The following PAX5 variants were observed in gnomAD, a reference collection of about 807,000 sequenced individuals.
PAX5 encodes the protein paired box 5, also known as paired box protein Pax-5.
Under a neutral mutation model 43.7 loss-of-function variants are expected in PAX5, and 9 were observed. That is an observed-to-expected ratio of 0.21 (90% CI 0.12 to 0.36). The LOEUF (loss-of-function observed/expected upper bound fraction) is 0.36, where lower values mean the gene tolerates loss of function less well. Among genes scored for constraint, PAX5 ranks in the 10% least tolerant of loss-of-function variants. The pLI is 1.00. For synonymous variants in PAX5, 228 were observed against 214.3 expected, an observed-to-expected ratio of 1.06 and a Z score of -0.56; for missense variants, 383 against 532.7, an observed-to-expected ratio of 0.72 and a Z score of 2.77.
intron 7 of PAX5, among the ~76,000 whole-genome samples, chr9:36,898,769 G>A (rs1006269072): frequency 1.3e-5 from 2 of 152,118 alleles, no homozygotes; most frequent in African/African-American, 4.8e-5. Flanking sequence ...GCATAATGAG[G>A]GCACCCAGCA....
chr9:37,032,287 C>A (rs187098068), intron 1 of PAX5, among the ~76,000 whole-genome samples: 1 of 152,208 alleles, frequency 6.6e-6, no homozygotes, highest in Non-Finnish European at 1.5e-5. Flanking sequence ...TTCTACACAG[C>A]TTGTCGGGAG....
At chr9:37,026,581 C>A in intron 1 of PAX5, 2 of 1,345,448 alleles carry the variant, frequency 1.5e-6, no homozygotes, top group Non-Finnish European at 2.0e-6. Flanking sequence ...TCCATCGGGG[C>A]GCTCCAGACT....
rs1249828868 is a variant in PAX5, at chr9:36,834,028, G to T, written c.*6532C>A. 6 of 232,928 alleles carry T rather than the reference G, an allele frequency of 2.6e-5. No homozygotes were observed. The highest frequency in any genetic ancestry group is 1.1e-4 in the African/African-American group (5 of 45,276). 14.4% of individuals were successfully genotyped at this position (232,928 alleles called of 1,614,324 possible). On this transcript the variant is annotated 3_prime_UTR_variant, in exon 10 of 10. Transcript: ENST00000358127. ...AAATGCATGTGTCTTCCTGGCAAAGGTTTCCATTTGCAATGTAATCTGCAT... is the reference window on the plus strand; with the variant it reads ...AAATGCATGTGTCTTCCTGGCAAAGTTTTCCATTTGCAATGTAATCTGCAT...
At chr9:37,026,032 C>G (rs1342314883) in intron 1 of PAX5, among the ~76,000 whole-genome samples, 3 of 152,196 alleles carry the variant, frequency 2.0e-5, no homozygotes, top group Non-Finnish European at 4.4e-5. Context: ...GCCCTAGCCC[C>G]GGTGTCCTCG....
chr9:36,993,852 C>A (rs1446282369), intron 5 of PAX5, among the ~76,000 whole-genome samples: 27 of 152,114 alleles, frequency 1.8e-4, no homozygotes, highest in Non-Finnish European at 7.4e-5. Context: ...AACTGAGATC[C>A]CCACATGGCA....
At chr9:36,879,775 G>A (rs1335849088) in intron 8 of PAX5, among the ~76,000 whole-genome samples, 3 of 152,186 alleles carry the variant, frequency 2.0e-5, no homozygotes, top group Admixed American at 1.3e-4. Flanking sequence ...ACATAAATGC[G>A]ACGGGCCATC....
In PAX5 at chr9:37,033,971, G is replaced by A. The variant is rs1387555581; in HGVS notation, c.46+15C>T. 1 of 1,610,740 alleles carries A rather than the reference G, an allele frequency of 6.2e-7. No homozygotes were observed. The highest frequency in any genetic ancestry group is 8.5e-7 in the Non-Finnish European group (1 of 1,178,854). On this transcript the variant is annotated intron_variant, in intron 1 of 9. Transcript: ENST00000358127. ...CCCGGAGTTTGCACATCTGGAGCCC[G>A]TATCGCGGTCCTACCTGTCCTGCTG... is the stretch of plus-strand genomic sequence containing the variant.
At chr9:37,022,748 C>T (rs113779554) in intron 1 of PAX5, among the ~76,000 whole-genome samples, 61 of 152,364 alleles carry the variant, frequency 4.0e-4, no homozygotes, top group African/African-American at 1.4e-3. Flanking sequence ...AGCCAGGTCT[C>T]TCAAGGTGAG....
rs571144392 is a variant in PAX5 at position 36,881,912 on chromosome 9, G to A, written c.1012+92C>T. 33 of 927,410 alleles carry A rather than the reference G, an allele frequency of 3.6e-5. No individual in the cohort carries two copies. The East Asian group carries it at 3.7e-4, about 10-fold the overall frequency. The allele number at this position is 927,410 out of a possible 1,614,324, so 57.4% of individuals were successfully genotyped here. A position where few individuals can be genotyped will look rare whatever the true frequency, so the allele number is the denominator to read the frequency against. ...TTATTCAGGTCCGCTTCTCAGAAGCGTAGAGGTCACCCAGGCTGTTTGGGG... is the reference window on the plus strand; with the variant it reads ...TTATTCAGGTCCGCTTCTCAGAAGCATAGAGGTCACCCAGGCTGTTTGGGG... On this transcript the variant is annotated intron_variant, in intron 8 of 9. Coordinates refer to ENST00000358127, the MANE Select transcript of PAX5 (RefSeq NM_016734.3).
In PAX5 at chr9:36,840,547, C is replaced by A; in HGVS notation, c.*13G>T. 6.3e-7 allele frequency: 1 copy of A among 1,579,116 alleles called. No homozygotes were observed. The highest frequency in any genetic ancestry group is 2.3e-5 in the East Asian group (1 of 43,798). ...GGTGCCATCAGTGTTTGGTGCCCGCCTGGCTCCAAGGGTCAGTGACGGTCA... is the reference window on the plus strand; with the variant it reads ...GGTGCCATCAGTGTTTGGTGCCCGCATGGCTCCAAGGGTCAGTGACGGTCA... On this transcript the variant is annotated 3_prime_UTR_variant, in exon 10 of 10. Coordinates refer to ENST00000358127, the MANE Select transcript of PAX5 (RefSeq NM_016734.3).
At chr9:36,873,292 G>A (rs781369730) in intron 8 of PAX5, among the ~76,000 whole-genome samples, 11 of 152,166 alleles carry the variant, frequency 7.2e-5, no homozygotes, top group African/African-American at 2.7e-4. Flanking sequence ...GAGGGCAGGG[G>A]CTGTGTCGGC....
chr9:36,849,125 G>A (rs1301640829), intron 8 of PAX5, among the ~76,000 whole-genome samples: 2 of 152,198 alleles, frequency 1.3e-5, no homozygotes, highest in South Asian at 4.1e-4. Flanking sequence ...TCCGTTGTAC[G>A]TGGGCATGCT....
chr9:36,957,091 A>G (rs2132138088), intron 6 of PAX5, among the ~76,000 whole-genome samples: 1 of 152,302 alleles, frequency 6.6e-6, no homozygotes, highest in East Asian at 1.9e-4. Context: ...AGAGCCCAGG[A>G]CAAGCAGTTA....
At chr9:36,962,577 G>A (rs139738309) in intron 6 of PAX5, among the ~76,000 whole-genome samples, 214 of 151,246 alleles carry the variant, frequency 1.4e-3, no homozygotes, top group African/African-American at 4.8e-3. Context: ...CGTCACGTTC[G>A]GTTTCGGCTG....
At chr9:36,844,567 G>T (rs1272635783) in intron 9 of PAX5, among the ~76,000 whole-genome samples, 1 of 152,144 alleles carries the variant, frequency 6.6e-6, no homozygotes, top group Non-Finnish European at 1.5e-5. Flanking sequence ...TCTCCATGCT[G>T]TCTCTGGCCC....
intron 3 of PAX5, chr9:37,007,871 T>G (rs1838582016): frequency 6.6e-6 from 1 of 152,160 alleles, no homozygotes; most frequent in Non-Finnish European, 1.5e-5. Flanking sequence ...GTATACAGTT[T>G]TTTTTGTTGT....
At chr9:36,913,625 T>C (rs958428813) in intron 7 of PAX5, among the ~76,000 whole-genome samples, 19 of 152,320 alleles carry the variant, frequency 1.2e-4, no homozygotes, top group African/African-American at 4.3e-4. Context: ...AGTTTGCAAA[T>C]GGTGAGCAGT....
intron 5 of PAX5, among the ~76,000 whole-genome samples, chr9:36,967,082 C>A (rs73648179): frequency 0.015 from 2,214 of 152,302 alleles, 53 homozygotes; most frequent in African/African-American, 0.048. Flanking sequence ...TGGGCTGACC[C>A]ACAGGCTTAG....
chr9:37,026,014 C>T (rs1450802706), intron 1 of PAX5, among the ~76,000 whole-genome samples: 2 of 152,180 alleles, frequency 1.3e-5, no homozygotes, highest in African/African-American at 4.8e-5. Flanking sequence ...CTCCAGGACG[C>T]CTTTGGAGCC....
Sources: gnomAD v4.1 joint callset for allele counts (sites outside exome capture counted in the v4.1 genomes callset) on GRCh38, gnomAD v4.1.1 for gene constraint, MANE v1.5 for transcripts, NCBI Gene and HGNC (gene_info 2026-07-23, HGNC 2026-07-21) for gene names.